Variants in THADA observed in about 807,000 individuals in gnomAD.
The protein encoded by THADA is THADA armadillo repeat containing.
THADA carries 213 observed loss-of-function variants against 219.8 expected under a neutral mutation model. That is an observed-to-expected ratio of 0.97 (90% confidence interval 0.87 to 1.09). The LOEUF is 1.09. THADA is among the 50% of genes least tolerant of loss of function. The pLI, the probability that THADA is intolerant of heterozygous loss-of-function variation, is 0.00. For synonymous variants in THADA, 1,018 were observed against 828.9 expected, an observed-to-expected ratio of 1.23 and a Z score of -3.92; for missense variants, 2,956 against 2,311.3, an observed-to-expected ratio of 1.28 and a Z score of -5.72.
At chr2:43,233,942 C>T (rs1218592904) in intron 36 of THADA, among the ~76,000 whole-genome samples, 1 of 152,158 alleles carries the variant, frequency 6.6e-6, no homozygotes, top group East Asian at 1.9e-4. Context: ...AAATCCACAT[C>T]TCTAACTTGA....
rs563009140 is a variant in THADA, at chr2:43,438,387, C to T, written c.3837-8085G>A. Among the ~76,000 whole-genome samples the T allele has an allele frequency of 9.8e-4, 149 of 151,284 alleles. 1 individual carries two copies. Among genetic ancestry groups the T allele is most frequent in the African/African-American group, 3.5e-3 (145 of 41,166 alleles). ...AAGACTAATAAGTCTGATAATACCA[C>T]GTATTGAATCTTTCAGAATACTGTT... On this transcript the variant is annotated intron_variant, in intron 26 of 37. Transcript: ENST00000405975.
chr2:43,365,859 T>C (rs1029337061), intron 29 of THADA, among the ~76,000 whole-genome samples: 6 of 152,124 alleles, frequency 3.9e-5, no homozygotes, highest in African/African-American at 1.4e-4. Flanking sequence ...TAAGAGTTTA[T>C]AATTGCTCAG....
intron 26 of THADA, among the ~76,000 whole-genome samples, chr2:43,447,019 C>G (rs199544824): frequency 2.0e-5 from 3 of 152,092 alleles, no homozygotes; most frequent in African/African-American, 7.2e-5. Flanking sequence ...ATACCCGAGA[C>G]TGAATAATTT....
chr2:43,513,482 T>A (rs1254895477), intron 22 of THADA, among the ~76,000 whole-genome samples: 3 of 152,140 alleles, frequency 2.0e-5, no homozygotes, highest in African/African-American at 7.2e-5. Flanking sequence ...GCCTCATCTC[T>A]TTTGAGAAGA....
rs1225308915 is a variant in THADA, at chr2:43,324,912, A to T, written c.4344-4372T>A. Among the ~76,000 whole-genome samples, 4 of 152,350 alleles carry T rather than the reference A, an allele frequency of 2.6e-5. No individual in the cohort carries two copies. In the East Asian group the frequency reaches 7.7e-4, roughly 29 times the overall value. On this transcript the variant is annotated intron_variant, in intron 30 of 37. Transcript: ENST00000405975. ...AAAAAATCAGAAGTGATCAGCATGT[A>T]GCAGATGCACTGAAAAGCAGCATTA...
intron 35 of THADA, among the ~76,000 whole-genome samples, chr2:43,281,160 T>A (rs1315614536): frequency 6.6e-6 from 1 of 152,224 alleles, no homozygotes. Context: ...GAACCTGGTT[T>A]CAGAGTCACT....
chr2:43,578,182 T>C (rs1700054528), intron 9 of THADA, among the ~76,000 whole-genome samples: 1 of 151,912 alleles, frequency 6.6e-6, no homozygotes, highest in Non-Finnish European at 1.5e-5. Context: ...AGACAAGGTC[T>C]CACTCTGTTG....
At chr2:43,570,712 T>C (rs1699198464) in intron 13 of THADA, among the ~76,000 whole-genome samples, 2 of 152,244 alleles carry the variant, frequency 1.3e-5, no homozygotes, top group Non-Finnish European at 2.9e-5. Context: ...AATACTGTCA[T>C]TAAACCACAA....
chr2:43,388,935 C>A (rs896415064), intron 29 of THADA, among the ~76,000 whole-genome samples: 6 of 152,090 alleles, frequency 3.9e-5, no homozygotes, highest in Admixed American at 2.6e-4. Context: ...TTAATCATAA[C>A]CCCCTCACCC....
At chr2:43,348,110 T>G (rs1667847228) in intron 29 of THADA, among the ~76,000 whole-genome samples, 1 of 152,244 alleles carries the variant, frequency 6.6e-6, no homozygotes, top group Non-Finnish European at 1.5e-5. Flanking sequence ...ATGTTTTATT[T>G]AGCCCATACA....
chr2:43,514,697 A>G lies in THADA; in HGVS notation c.3375-5917T>C, dbSNP rs1335886461. Reference sequence around the variant, plus strand: ...TAATATATTATATTATATATAATATATATAATATATATATAAATATATATT... The same window carrying G: ...TAATATATTATATTATATATAATATGTATAATATATATATAAATATATATT... On this transcript the variant is annotated intron_variant, in intron 22 of 37. Coordinates refer to ENST00000405975, the MANE Select transcript of THADA (RefSeq NM_022065.5). 1.9e-3 allele frequency among the ~76,000 whole-genome samples: 158 copies of G among 83,288 alleles called. 17 individuals are homozygous for G. Among genetic ancestry groups the G allele is most frequent in the South Asian group, 6.6e-3 (19 of 2,896 alleles). The allele number at this position is 83,288 out of a possible 152,430, so 54.6% of individuals were successfully genotyped here. A position where few individuals can be genotyped will look rare whatever the true frequency, so the allele number is the denominator to read the frequency against.
chr2:43,489,096 C>T (rs1443817876), intron 25 of THADA, among the ~76,000 whole-genome samples: 2 of 152,166 alleles, frequency 1.3e-5, no homozygotes, highest in Non-Finnish European at 2.9e-5. Context: ...TTCTCCCATT[C>T]TGTGGGTTGT....
chr2:43,453,445 G>GT (rs1682608535), intron 26 of THADA, among the ~76,000 whole-genome samples: 1 of 152,076 alleles, frequency 6.6e-6, no homozygotes, highest in Non-Finnish European at 1.5e-5. Context: ...TTAGCCATTT[G>GT]TTTTTTTGAG....
chr2:43,365,362 C>G (rs186267767), intron 29 of THADA, among the ~76,000 whole-genome samples: 282 of 151,888 alleles, frequency 1.9e-3, no homozygotes, highest in African/African-American at 6.7e-3. Context: ...CTTGAGGTCA[C>G]GAGTTTGAGA....
chr2:43,492,838 C>G (rs1687807801), intron 25 of THADA, among the ~76,000 whole-genome samples: 1 of 152,204 alleles, frequency 6.6e-6, no homozygotes, highest in South Asian at 2.1e-4. Context: ...AGTAGCAAGA[C>G]ACTTCACCTA....
chr2:43,552,188 C>G lies in THADA; in HGVS notation c.2810+16G>C. 2.5e-6 allele frequency: 4 copies of G among 1,600,122 alleles called. No homozygotes were observed. The highest frequency in any genetic ancestry group is 1.1e-5 in the South Asian group (1 of 87,720). ...AATGGATTTCTGAGACAGGAGGCAG[C>G]TGTGGAAATCCTTACTTTAGAGATA... On this transcript the variant is annotated intron_variant, in intron 18 of 37. Transcript: ENST00000405975.
chr2:43,508,673 C>T lies in THADA; in HGVS notation c.3482G>A (p.Ser1161Asn). 6.2e-7 allele frequency: 1 copy of T among 1,613,608 alleles called. No individual in the cohort carries two copies. Among genetic ancestry groups the T allele is most frequent in the South Asian group, 1.1e-5 (1 of 91,030 alleles). The change falls in exon 23 of 38, where the codon AGT becomes AAT. Residue 1161 changes from serine (S) to asparagine (N), a missense_variant. Ser to Asn is a conservative substitution (Grantham distance 46, BLOSUM62 1). Transcript: ENST00000405975. ...PSSKLCATRR[S>N]AGIPFYIQAL... Reference sequence around the variant, plus strand: ...CTGTATGTAGAAAGGAATTCCAGCACTGCGCCTTGTAGCACAGAGTTTAGA... The same window carrying T: ...CTGTATGTAGAAAGGAATTCCAGCATTGCGCCTTGTAGCACAGAGTTTAGA...
At chr2:43,579,760 A>G (rs1287044530) in intron 8 of THADA, among the ~76,000 whole-genome samples, 1 of 152,168 alleles carries the variant, frequency 6.6e-6, no homozygotes, top group Non-Finnish European at 1.5e-5. Flanking sequence ...CTGGAGCTAC[A>G]GCAGTCATAT....
intron 37 of THADA, among the ~76,000 whole-genome samples, chr2:43,232,245 C>G (rs577159742): frequency 2.0e-5 from 3 of 151,720 alleles, no homozygotes; most frequent in Admixed American, 2.0e-4. Flanking sequence ...GTGGTGCAAT[C>G]TCGGCTCACT....
Sources: gnomAD v4.1 joint callset for allele counts (sites outside exome capture counted in the v4.1 genomes callset) on GRCh38, gnomAD v4.1.1 for gene constraint, MANE v1.5 for transcripts, NCBI Gene and HGNC (gene_info 2026-07-23, HGNC 2026-07-21) for gene names.